The following GRID2 variants were observed in gnomAD, a reference collection of about 807,000 sequenced individuals.
GRID2 encodes glutamate ionotropic receptor delta type subunit 2.
GRID2 carries 33 observed loss-of-function variants against 114.8 expected under a neutral mutation model. The ratio of observed to expected loss-of-function variants is 0.29; its 90% CI spans 0.22 to 0.38. The LOEUF (loss-of-function observed/expected upper bound fraction) is 0.38. GRID2 is among the 10% of genes least tolerant of loss of function. The pLI is 1.00. For synonymous variants in GRID2, 505 were observed against 449.9 expected (o/e 1.12, Z -1.55); for missense variants, 1,184 against 1,257.7 (o/e 0.94, Z 0.89).
At chr4:92,548,721 G>T (rs996221431) in intron 1 of GRID2, among the ~76,000 whole-genome samples, 1 of 151,934 alleles carries the variant, frequency 6.6e-6, no homozygotes, top group Non-Finnish European at 1.5e-5. Context: ...AAGAAAAGAA[G>T]TTTAATCAGC....
chr4:93,314,636 A>G (rs1756386342), intron 8 of GRID2, among the ~76,000 whole-genome samples: 1 of 152,098 alleles, frequency 6.6e-6, no homozygotes, highest in Non-Finnish European at 1.5e-5. Context: ...TGAATAGTAC[A>G]ACTACCCCTC....
chr4:92,816,241 G>T (rs956402277), intron 2 of GRID2, among the ~76,000 whole-genome samples: 1 of 150,334 alleles, frequency 6.7e-6, no homozygotes, highest in African/African-American at 2.4e-5. Context: ...CTTGAACCTG[G>T]GAGGCGGAGT....
At chr4:92,836,545 A>G (rs966356079) in intron 2 of GRID2, among the ~76,000 whole-genome samples, 1 of 152,136 alleles carries the variant, frequency 6.6e-6, no homozygotes, top group African/African-American at 2.4e-5. Context: ...TAACCAAAAA[A>G]AAACAGAAAA....
intron 2 of GRID2, among the ~76,000 whole-genome samples, chr4:92,780,826 G>C (rs184224648): frequency 6.6e-6 from 1 of 151,400 alleles, no homozygotes; most frequent in Non-Finnish European, 1.5e-5. Flanking sequence ...TATGCCTTCT[G>C]ATCTTACATT....
chr4:92,595,785 G>A (rs768248625), intron 2 of GRID2, among the ~76,000 whole-genome samples: 1 of 151,992 alleles, frequency 6.6e-6, no homozygotes, highest in Non-Finnish European at 1.5e-5. Context: ...CAGAAAAAGT[G>A]CAAGGAAATA....
chr4:92,681,562 G>T (rs1272340215), intron 2 of GRID2, among the ~76,000 whole-genome samples: 1 of 151,988 alleles, frequency 6.6e-6, no homozygotes, highest in Non-Finnish European at 1.5e-5. Flanking sequence ...AAGGGGGAGG[G>T]ATAGCATTAA....
chr4:92,924,517 G>T (rs1749652698), intron 2 of GRID2, among the ~76,000 whole-genome samples: 1 of 152,064 alleles, frequency 6.6e-6, no homozygotes, highest in South Asian at 2.1e-4. Flanking sequence ...AGAAGAAACA[G>T]CCTAACTTTT....
At chr4:92,786,177 A>T (rs1428186133) in intron 2 of GRID2, among the ~76,000 whole-genome samples, 3 of 151,804 alleles carry the variant, frequency 2.0e-5, no homozygotes, top group Admixed American at 6.6e-5. Context: ...ATTTTATCTA[A>T]GTATCTGTTG....
chr4:92,646,410 T>C (rs1731626921), intron 2 of GRID2, among the ~76,000 whole-genome samples: 1 of 152,358 alleles, frequency 6.6e-6, no homozygotes, highest in Middle Eastern at 3.4e-3. Flanking sequence ...AGAGCAGTAG[T>C]TTCTAATACT....
intron 2 of GRID2, among the ~76,000 whole-genome samples, chr4:92,814,645 C>A (rs1343465661): frequency 1.3e-5 from 2 of 152,134 alleles, no homozygotes; most frequent in African/African-American, 4.8e-5. Flanking sequence ...TCATTGGCAA[C>A]ACTTCACTGC....
At chr4:93,131,945 G>T (rs905131922) in intron 4 of GRID2, among the ~76,000 whole-genome samples, 1 of 152,014 alleles carries the variant, frequency 6.6e-6, no homozygotes, top group African/African-American at 2.4e-5. Context: ...TCTCAGTATT[G>T]TTATATCTGT....
chr4:93,011,854 A>G (rs1481360568), intron 2 of GRID2, among the ~76,000 whole-genome samples: 2 of 152,032 alleles, frequency 1.3e-5, no homozygotes, highest in East Asian at 3.9e-4. Flanking sequence ...TGGAATTCTC[A>G]CTAGCTTGTT....
At chr4:93,110,312 A>G (rs914841113) in intron 3 of GRID2, among the ~76,000 whole-genome samples, 2 of 152,180 alleles carry the variant, frequency 1.3e-5, no homozygotes, top group East Asian at 3.9e-4. Flanking sequence ...ATTTTAAGAA[A>G]CATTCATAAT....
At chr4:93,332,155 G>A (rs1433261581) in intron 8 of GRID2, among the ~76,000 whole-genome samples, 2 of 151,990 alleles carry the variant, frequency 1.3e-5, no homozygotes, top group South Asian at 2.1e-4. Flanking sequence ...AAGTGGAATC[G>A]CTGTCTTGTT....
chr4:92,413,255 A>G (rs1295041489), intron 1 of GRID2, among the ~76,000 whole-genome samples: 1 of 152,174 alleles, frequency 6.6e-6, no homozygotes. Flanking sequence ...ACCCAGTCAT[A>G]GCATTTCCTA....
intron 8 of GRID2, among the ~76,000 whole-genome samples, chr4:93,335,917 G>C (rs1014720055): frequency 2.0e-5 from 3 of 151,964 alleles, no homozygotes; most frequent in Non-Finnish European, 4.4e-5. Context: ...CTTAAACTGG[G>C]CTCAAGCGAT....
intron 1 of GRID2, among the ~76,000 whole-genome samples, chr4:92,502,055 A>T (rs1723710394): frequency 6.6e-6 from 1 of 152,154 alleles, no homozygotes; most frequent in Non-Finnish European, 1.5e-5. Flanking sequence ...TCTGTTTATT[A>T]AAAAATTCCT....
At chr4:93,525,194 T>C (rs981932806) in intron 13 of GRID2, among the ~76,000 whole-genome samples, 4 of 152,002 alleles carry the variant, frequency 2.6e-5, no homozygotes, top group African/African-American at 9.7e-5. Flanking sequence ...GCCTGAAGGA[T>C]GAGGCTACTT....
At chr4:93,552,791 A>AC (rs1457911692) in intron 13 of GRID2, among the ~76,000 whole-genome samples, 1 of 40,948 alleles carries the variant, frequency 2.4e-5, no homozygotes. Flanking sequence ...CCAGCCCCCC[A>AC]CCCCCCAATA....
Sources: gnomAD v4.1 joint callset for allele counts (sites outside exome capture counted in the v4.1 genomes callset) on GRCh38, gnomAD v4.1.1 for gene constraint, MANE v1.5 for transcripts, NCBI Gene and HGNC (gene_info 2026-07-23, HGNC 2026-07-21) for gene names.